The following MR1 variants were observed in gnomAD, a reference collection of about 807,000 sequenced individuals.
MR1 encodes major histocompatibility complex class I-related protein 1.
In MR1, 44 loss-of-function variants were observed where a neutral mutation model predicts 37.8. The observed-to-expected ratio is 1.16, with a 90% CI of 0.91 to 1.50. MR1 has a LOEUF of 1.50. Ranked by LOEUF, MR1 falls within the 40% of genes most tolerant of loss-of-function variation. The pLI is 0.00. For missense variants in MR1, 386 were observed against 419.1 expected (o/e 0.92, Z 0.69); for synonymous variants, 153 against 155.8 (o/e 0.98, Z 0.13).
At chr1:181,046,343 A>G (rs988385955) in intron 1 of MR1, among the ~76,000 whole-genome samples, 43 of 152,302 alleles carry the variant, frequency 2.8e-4, no homozygotes, top group African/African-American at 1.0e-3. Context: ...GGGATTGTAA[A>G]TACACCAATC....
At chr1:181,039,045 T>C (rs1657421758) in intron 1 of MR1, among the ~76,000 whole-genome samples, 1 of 152,028 alleles carries the variant, frequency 6.6e-6, no homozygotes, top group African/African-American at 2.4e-5. Context: ...CCTCAGGTGA[T>C]CCGCCTGCCT....
chr1:181,050,027 G>A lies in MR1; in HGVS notation c.345G>A (p.Gln115=). 6.2e-7 allele frequency: 1 copy of A among 1,612,720 alleles called. No individual in the cohort carries two copies. Among genetic ancestry groups the A allele is most frequent in the Non-Finnish European group, 8.5e-7 (1 of 1,179,970 alleles). ...GTGTTCCAGGGTCTCACACTTACCA[G>A]AGAATGATTGGCTGTGAGCTGCTGG... ...HYNHSGSHTY[Q]RMIGCELLED... Residue 115 remains glutamine (Q), a synonymous_variant, in exon 3 of 6, where the codon CAG becomes CAA. Coordinates refer to ENST00000367580, the MANE Select transcript of MR1 (RefSeq NM_001385161.1).
Position 181,052,329 on chromosome 1 carries a change from C to T in MR1, c.699C>T (p.Tyr233=). Residue 233 remains tyrosine, a synonymous_variant, in exon 4 of 6, where the codon TAC becomes TAT. Coordinates refer to ENST00000367580, the MANE Select transcript of MR1 (RefSeq NM_001385161.1). ...KAHGFYPPEI[Y]MTWMKNGEEI... ...ATGGCTTTTACCCCCCAGAAATTTA[C>T]ATGACATGGATGAAAAACGGGGAAG... 1 of 1,614,174 alleles carries T rather than the reference C, an allele frequency of 6.2e-7. No homozygotes were observed. Among genetic ancestry groups the T allele is most frequent in the East Asian group, 2.2e-5 (1 of 44,888 alleles).
chr1:181,055,115 G>T (rs1490661237), intron 5 of MR1, 110 bp from the exon 6 acceptor site: 5 of 965,850 alleles, frequency 5.2e-6, no homozygotes, highest in Non-Finnish European at 8.3e-6. Flanking sequence ...GACAAAGCAA[G>T]CTAAAACTGT....
intron 1 of MR1, among the ~76,000 whole-genome samples, chr1:181,038,750 T>C (rs895930154): frequency 2.0e-5 from 3 of 152,254 alleles, no homozygotes; most frequent in African/African-American, 7.2e-5. Flanking sequence ...TCCTGGTTCC[T>C]TCACTTATGG....
intron 1 of MR1, among the ~76,000 whole-genome samples, chr1:181,046,217 C>G (rs1014917469): frequency 1.1e-4 from 16 of 152,250 alleles, no homozygotes; most frequent in Non-Finnish European, 1.9e-4. Flanking sequence ...AGTGCGGGCG[C>G]ACGGCGCGGG....
chr1:181,050,862 G>A (rs1406390894), intron 3 of MR1: 1 of 158,330 alleles, frequency 6.3e-6, no homozygotes, highest in African/African-American at 2.4e-5. Flanking sequence ...GGTGGCACAT[G>A]ACTGTAGTCC....
Position 181,049,170 on chromosome 1 carries a change from T to C in MR1, c.186T>C (p.Thr62=). ...SHPITTYDSV[T]RQKEPRAPWM... ...CTATCACCACATATGACAGTGTCAC[T>C]CGGCAGAAGGAGCCACGGGCCCCAT... Residue 62 remains threonine, a synonymous_variant, in exon 2 of 6, where the codon ACT becomes ACC. Coordinates refer to ENST00000367580, the MANE Select transcript of MR1 (RefSeq NM_001385161.1). The C allele has an allele frequency of 1.2e-6, 2 of 1,614,166 alleles. No homozygotes were observed. The highest frequency in any genetic ancestry group is 1.7e-6 in the Non-Finnish European group (2 of 1,180,020).
intron 1 of MR1, 123 bp downstream of exon 1, chr1:181,034,197 T>G: frequency 1.3e-6 from 1 of 793,874 alleles, no homozygotes; most frequent in South Asian, 2.0e-5. Flanking sequence ...GTGTATGTAT[T>G]ACACTCAGAC....
Position 181,058,592 on chromosome 1 carries a change from G to A in MR1, c.*3327G>A, listed in dbSNP as rs1308193789. The A allele has an allele frequency of 3.9e-5, 6 of 152,144 alleles. No homozygotes were observed. The East Asian group carries it at 1.2e-3, about 29-fold the overall frequency. The allele number at this position is 152,144 out of a possible 1,614,324, so 9.4% of individuals were successfully genotyped here. ...GATCCTTTCCTTATTTCTGAGGAAT[G>A]ACTTGGTTTCTCCTCTTCTTTTTTT... On this transcript the variant is annotated 3_prime_UTR_variant, in exon 6 of 6. Transcript: ENST00000367580.
Position 181,035,822 on chromosome 1 carries a change from CT to C in MR1, c.67+1751del, listed in dbSNP as rs747643844. 1.1e-4 allele frequency among the ~76,000 whole-genome samples: 17 copies of C among 152,212 alleles called. No individual in the cohort carries two copies. The East Asian group carries it at 2.3e-3, about 21-fold the overall frequency. Reference sequence around the variant, plus strand: ...GGGCTGTTCCACAATGTCATTGCTCCTTTGGGTGTGAAGACTTGTCACTTTG... The same window carrying C: ...GGGCTGTTCCACAATGTCATTGCTCCTTGGGTGTGAAGACTTGTCACTTTG... On this transcript the variant is annotated intron_variant, in intron 1 of 5. Coordinates refer to ENST00000367580, the MANE Select transcript of MR1 (RefSeq NM_001385161.1).
At chr1:181,034,200 A>C in intron 1 of MR1, 126 bp downstream of exon 1, 1 of 764,930 alleles carries the variant, frequency 1.3e-6, no homozygotes, top group Non-Finnish European at 2.0e-6. Flanking sequence ...TATGTATTAC[A>C]CTCAGACTCC....
chr1:181,051,367 A>G (rs1475030704), intron 3 of MR1: 1 of 152,144 alleles, frequency 6.6e-6, no homozygotes, highest in Non-Finnish European at 1.5e-5. Context: ...CATTTATTTT[A>G]CTTTTAATGT....
intron 1 of MR1, among the ~76,000 whole-genome samples, chr1:181,046,354 G>A (rs945685918): frequency 9.9e-5 from 15 of 151,978 alleles, no homozygotes; most frequent in Non-Finnish European, 1.9e-4. Flanking sequence ...TACACCAATC[G>A]GCACTCTGTA....
Position 181,053,687 on chromosome 1 carries a change from A to T in MR1, c.985+10A>T. ...AGAAGAAGGCCCCGAGGTGAGAGGC[A>T]CATGGAAGGGATCCAGGGGGCTGCA... On this transcript the variant is annotated intron_variant, in intron 5 of 5. Coordinates refer to ENST00000367580, the MANE Select transcript of MR1 (RefSeq NM_001385161.1). 4 of 1,582,566 alleles carry T rather than the reference A, an allele frequency of 2.5e-6. No individual in the cohort carries two copies. The South Asian group carries it at 3.3e-5, about 13-fold the overall frequency.
intron 3 of MR1, 153 bp downstream of exon 3, chr1:181,050,439 T>C (rs1191511999): frequency 4.2e-6 from 4 of 942,346 alleles, no homozygotes; most frequent in South Asian, 3.4e-5. Context: ...ACGAAAACTT[T>C]CCCTGGTTAC....
At position 181,056,688 on chromosome 1, in the gene MR1, C is replaced by T. The variant is rs1359553726; in HGVS notation, c.*1423C>T. On this transcript the variant is annotated 3_prime_UTR_variant, in exon 6 of 6. Coordinates refer to ENST00000367580, the MANE Select transcript of MR1 (RefSeq NM_001385161.1). ...TTCTCTGACCCCGTTTGACTCTGCA[C>T]CTGAGCCCTAATGCTTACTTCAGTG... 2 of 152,464 alleles carry T rather than the reference C, an allele frequency of 1.3e-5. No homozygotes were observed. The highest frequency in any genetic ancestry group is 1.3e-4 in the Admixed American group (2 of 15,290). The allele number at this position is 152,464 out of a possible 1,614,324, so 9.4% of individuals were successfully genotyped here.
At chr1:181,042,491 G>A (rs185307471) in intron 1 of MR1, among the ~76,000 whole-genome samples, 19 of 129,748 alleles carry the variant, frequency 1.5e-4, no homozygotes, top group African/African-American at 2.4e-4. Flanking sequence ...GTGAGCCACC[G>A]CGCCCGGCCA....
At position 181,060,263 on chromosome 1, in the gene MR1, C is replaced by T. The variant is rs1233352053; in HGVS notation, c.*4998C>T. On this transcript the variant is annotated 3_prime_UTR_variant, in exon 6 of 6. Coordinates refer to ENST00000367580, the MANE Select transcript of MR1 (RefSeq NM_001385161.1). Reference sequence around the variant, plus strand: ...GCCATCAGTCATACTGGATTAGGGACCCACTCTACTACTGCAGGATGACCT... The same window carrying T: ...GCCATCAGTCATACTGGATTAGGGATCCACTCTACTACTGCAGGATGACCT... 1 of 152,168 alleles carries T rather than the reference C, an allele frequency of 6.6e-6. No individual in the cohort carries two copies. Among genetic ancestry groups the T allele is most frequent in the Non-Finnish European group, 1.5e-5 (1 of 68,046 alleles). 9.4% of individuals were successfully genotyped at this position (152,168 alleles called of 1,614,324 possible).
Sources: gnomAD v4.1 joint callset for allele counts (sites outside exome capture counted in the v4.1 genomes callset) on GRCh38, gnomAD v4.1.1 for gene constraint, MANE v1.5 for transcripts, NCBI Gene and HGNC (gene_info 2026-07-23, HGNC 2026-07-21) for gene names.